The following FRMPD4 variants were observed in gnomAD, a reference collection of about 807,000 sequenced individuals.
The protein encoded by FRMPD4 is FERM and PDZ domain-containing protein 4.
A neutral mutation model predicts 94.1 loss-of-function variants in FRMPD4; 22 were observed. That is an observed-to-expected ratio of 0.23 (90% CI 0.17 to 0.33). FRMPD4 has a LOEUF of 0.33. FRMPD4 is among the 10% of genes least tolerant of loss of function. FRMPD4 has a pLI of 1.00. For synonymous variants in FRMPD4, 631 were observed against 548.6 expected, an observed-to-expected ratio of 1.15 and a Z score of -2.10; for missense variants, 1,111 against 1,339.9, an observed-to-expected ratio of 0.83 and a Z score of 2.67.
At chrX:12,302,928 T>G (rs1377770273) in intron 1 of FRMPD4, among the ~76,000 whole-genome samples, 1 of 112,076 alleles carries the variant, frequency 8.9e-6, no homozygotes, top group South Asian at 3.7e-4. Flanking sequence ...TGGACACTTA[T>G]GTGCAAAGAC....
At chrX:11,954,617 A>AT (rs1367645777) in intron 3 of FRMPD4, among the ~76,000 whole-genome samples, 5 of 111,917 alleles carry the variant, frequency 4.5e-5, no homozygotes, top group Admixed American at 9.4e-5. Context: ...CAAATACCAC[A>AT]TTTTTTTAGT....
intron 1 of FRMPD4, among the ~76,000 whole-genome samples, chrX:12,196,028 T>C (rs772693863): frequency 8.9e-6 from 1 of 111,929 alleles, no homozygotes; most frequent in Admixed American, 9.5e-5. Flanking sequence ...AGTTGCATAT[T>C]TGTTAGATTA....
At chrX:11,920,666 T>C (rs1303908397) in intron 3 of FRMPD4, among the ~76,000 whole-genome samples, 1 of 112,301 alleles carries the variant, frequency 8.9e-6, no homozygotes, top group Non-Finnish European at 1.9e-5. Context: ...GGGAAGCAAA[T>C]AGCAGTTTTT....
chrX:11,839,137 C>A (rs1451425632), intron 1 of FRMPD4, among the ~76,000 whole-genome samples: 3 of 110,968 alleles, frequency 2.7e-5, no homozygotes, highest in African/African-American at 9.8e-5. Context: ...CAAATCCTCA[C>A]CATATTTAGT....
chrX:12,121,030 T>C (rs1435297494), intron 3 of FRMPD4, among the ~76,000 whole-genome samples: 2 of 108,979 alleles, frequency 1.8e-5, no homozygotes, highest in African/African-American at 6.6e-5. Flanking sequence ...TAAGACTTAA[T>C]AATACTAAGA....
intron 3 of FRMPD4, among the ~76,000 whole-genome samples, chrX:11,915,535 G>C (rs2054020113): frequency 8.9e-6 from 1 of 112,523 alleles, no homozygotes; most frequent in Non-Finnish European, 1.9e-5. Flanking sequence ...ACAGAGCTGT[G>C]CTGTCCAATA....
Position 12,716,945 on chromosome X carries a change from C to T in FRMPD4, c.2486C>T (p.Ser829Phe). Residue 829 changes from serine (S) to phenylalanine (F), a missense_variant, in exon 15 of 17, where the codon TCC becomes TTC. Transcript: ENST00000675598. ...GAGGACTCTCAGAGCCAGGCAGCTT[C>T]CTTCCCCGAGGACAAGGAGAAAGGC... ...DEEDSQSQAA[S>F]FPEDKEKGSS... is the part of the protein sequence containing the mutation. The T allele has an allele frequency of 8.3e-7, 1 of 1,211,478 alleles. No homozygotes were observed. Among genetic ancestry groups the T allele is most frequent in the Non-Finnish European group, 1.1e-6 (1 of 895,002 alleles).
intron 4 of FRMPD4, among the ~76,000 whole-genome samples, chrX:12,652,202 T>C (rs1243865132): frequency 8.9e-6 from 1 of 112,128 alleles, no homozygotes; most frequent in African/African-American, 3.2e-5. Flanking sequence ...CTCCCCGTCT[T>C]CTTCTCTTAC....
chrX:12,317,585 C>CAAATAAAAAAAAAAAAAAAAAAAAAA (rs2055139539), intron 1 of FRMPD4, among the ~76,000 whole-genome samples: 1 of 42,449 alleles, frequency 2.4e-5, no homozygotes, highest in African/African-American at 8.3e-5. Context: ...AACTAAATAG[C>CAAATAAAAAAAAAAAAAAAAAAAAAA]AAAAAAAAAA....
At chrX:11,883,704 C>A (rs977290221) in intron 3 of FRMPD4, among the ~76,000 whole-genome samples, 1 of 111,788 alleles carries the variant, frequency 8.9e-6, no homozygotes, top group Admixed American at 9.5e-5. Flanking sequence ...ATTGAATCTT[C>A]CAGTACGTAT....
chrX:12,150,841 A>T (rs1169043705), intron 1 of FRMPD4, among the ~76,000 whole-genome samples: 2 of 111,643 alleles, frequency 1.8e-5, no homozygotes, highest in Non-Finnish European at 3.8e-5. Flanking sequence ...GTATTGTAAA[A>T]TACTTAAATA....
At chrX:12,578,175 G>A (rs1032672166) in intron 2 of FRMPD4, among the ~76,000 whole-genome samples, 1 of 112,332 alleles carries the variant, frequency 8.9e-6, no homozygotes, top group Non-Finnish European at 1.9e-5. Flanking sequence ...ATCATATTTG[G>A]GGTTAGGGCT....
intron 3 of FRMPD4, among the ~76,000 whole-genome samples, chrX:12,124,438 T>A (rs1269420663): frequency 8.0e-5 from 9 of 111,911 alleles, no homozygotes; most frequent in Non-Finnish European, 1.7e-4. Flanking sequence ...AGGGCCTATT[T>A]CATAATTTGA....
intron 1 of FRMPD4, among the ~76,000 whole-genome samples, chrX:12,465,730 G>A (rs1460130396): frequency 8.9e-6 from 1 of 112,073 alleles, no homozygotes; most frequent in Non-Finnish European, 1.9e-5. Flanking sequence ...GATATATTAA[G>A]CAATAAATGC....
chrX:12,128,847 T>C (rs1363416924), intron 3 of FRMPD4, among the ~76,000 whole-genome samples: 1 of 111,933 alleles, frequency 8.9e-6, no homozygotes, highest in Non-Finnish European at 1.9e-5. Flanking sequence ...GTTCCACAGA[T>C]CTCTAGGACA....
intron 2 of FRMPD4, among the ~76,000 whole-genome samples, chrX:11,869,000 A>G (rs961810000): frequency 3.5e-5 from 3 of 84,914 alleles, no homozygotes; most frequent in Admixed American, 2.8e-4. Flanking sequence ...CTTAACTTCT[A>G]TGGGCATTGA....
At chrX:12,252,048 T>A (rs1363274921) in intron 1 of FRMPD4, among the ~76,000 whole-genome samples, 1 of 112,458 alleles carries the variant, frequency 8.9e-6, no homozygotes, top group Non-Finnish European at 1.9e-5. Context: ...TAGAAAATCT[T>A]AAGTTTTAAA....
chrX:12,086,949 C>G (rs1490864160), intron 3 of FRMPD4, among the ~76,000 whole-genome samples: 1 of 111,509 alleles, frequency 9.0e-6, no homozygotes, highest in Non-Finnish European at 1.9e-5. Flanking sequence ...TGGCTGTCAG[C>G]TTGAGCTACT....
chrX:12,553,466 A>ATATCTATC (rs368999462), intron 2 of FRMPD4, among the ~76,000 whole-genome samples: 1 of 78,095 alleles, frequency 1.3e-5, no homozygotes, highest in African/African-American at 5.3e-5. Flanking sequence ...ATATATATAT[A>ATATCTATC]TCTAATCCAC....
Sources: allele counts gnomAD v4.1 joint callset (sites outside exome capture counted in the v4.1 genomes callset), GRCh38; gene constraint gnomAD v4.1.1; transcripts MANE v1.5; gene names NCBI Gene and HGNC (gene_info 2026-07-23, HGNC 2026-07-21).